MAOB: variants seen among roughly 807,000 people sequenced by gnomAD.
MAOB encodes the protein amine oxidase [flavin-containing] B.
MAOB carries 15 observed loss-of-function variants against 41.9 expected under a neutral mutation model. That is an observed-to-expected ratio of 0.36 (90% CI 0.24 to 0.55). The LOEUF (loss-of-function observed/expected upper bound fraction) is 0.55. Among genes scored for constraint, MAOB ranks in the 20% least tolerant of loss-of-function variants. The pLI is 0.86. For missense variants in MAOB, 345 were observed against 398.7 expected, an observed-to-expected ratio of 0.87 and a Z score of 1.15; for synonymous variants, 167 against 144.2, an observed-to-expected ratio of 1.16 and a Z score of -1.13.
At position 43,780,378 on chromosome X, in the gene MAOB, T is replaced by C. The variant is rs781240387; in HGVS notation, c.1043A>G (p.Lys348Arg). The C allele has an allele frequency of 8.3e-7, 1 of 1,201,852 alleles. No homozygotes were observed. Among genetic ancestry groups the C allele is most frequent in the Admixed American group, 2.2e-5 (1 of 45,895 alleles). ...GGTAAGACGTGCCAGTTTTCTGGCT[T>C]TGTGGGCCAGGATAAATCTAAAGAA... is the stretch of plus-strand genomic sequence containing the variant. ...AAIMGFILAHKARKLARLTKE... is the reference protein window; with the variant it reads ...AAIMGFILAHRARKLARLTKE... The change falls in exon 10 of 15, where the codon AAA (lysine) becomes AGA (arginine). Residue 348 changes from lysine (K) to arginine (R), a missense_variant. Physicochemically the swap from Lys to Arg is conservative, Grantham distance 26. Transcript: ENST00000378069.
At chrX:43,828,756 C>T (rs1168525386) in intron 3 of MAOB, among the ~76,000 whole-genome samples, 3 of 111,369 alleles carry the variant, frequency 2.7e-5, no homozygotes, top group Non-Finnish European at 3.8e-5. Flanking sequence ...GGGTTAAAGC[C>T]CCCACTCCAT....
rs768236735 is a variant in MAOB, at chrX:43,850,975, A to T, written c.47-7211T>A. On this transcript the variant is annotated intron_variant, in intron 1 of 14. Coordinates refer to ENST00000378069, the MANE Select transcript of MAOB (RefSeq NM_000898.5). The stretch of plus-strand genomic sequence containing the variant: ...TATGCAAATGATTGCATTTTCTAAA[A>T]TGTCAGCAATCATAATGAGTCTTGT... Among the ~76,000 whole-genome samples the T allele has an allele frequency of 4.5e-5, 5 of 112,351 alleles. No individual in the cohort carries two copies. The East Asian group carries it at 1.4e-3, about 32-fold the overall frequency.
chrX:43,827,242 T>G (rs1283295133), intron 3 of MAOB, among the ~76,000 whole-genome samples: 2 of 112,054 alleles, frequency 1.8e-5, no homozygotes, highest in African/African-American at 6.5e-5. Context: ...TTATTTTCTC[T>G]CACAGTTGTG....
intron 3 of MAOB, among the ~76,000 whole-genome samples, chrX:43,823,272 C>T: frequency 9.5e-6 from 1 of 104,713 alleles, no homozygotes; most frequent in South Asian, 4.6e-4. Context: ...TCCCGGGTTC[C>T]AGTGATTCTC....
chrX:43,774,072 A>C (rs914365673), intron 12 of MAOB, among the ~76,000 whole-genome samples: 1 of 112,096 alleles, frequency 8.9e-6, no homozygotes, highest in Admixed American at 9.5e-5. Context: ...TCTTCTGATA[A>C]GCAGGTTTTA....
intron 1 of MAOB, among the ~76,000 whole-genome samples, chrX:43,865,325 T>C (rs1457820162): frequency 8.9e-6 from 1 of 112,254 alleles, no homozygotes; most frequent in Non-Finnish European, 1.9e-5. Context: ...TTTGATTCTA[T>C]TTGTATAAAA....
At chrX:43,839,217 A>C (rs2035105096) in intron 2 of MAOB, among the ~76,000 whole-genome samples, 1 of 111,981 alleles carries the variant, frequency 8.9e-6, no homozygotes, top group Non-Finnish European at 1.9e-5. Flanking sequence ...TTGAACTCTG[A>C]ATAGGCAAGA....
intron 11 of MAOB, 88 bp downstream of exon 11, chrX:43,778,594 C>T (rs2034289460): frequency 2.7e-6 from 2 of 739,026 alleles, no homozygotes; most frequent in South Asian, 5.1e-5. Context: ...AACTTCAGGA[C>T]CCAACTTGCA....
intron 1 of MAOB, among the ~76,000 whole-genome samples, chrX:43,848,501 G>A (rs184919506): frequency 9.1e-6 from 1 of 109,514 alleles, no homozygotes; most frequent in African/African-American, 3.3e-5. Context: ...GCATTCCCTT[G>A]GGACTGTTTT....
intron 3 of MAOB, among the ~76,000 whole-genome samples, chrX:43,823,690 T>C (rs2034910811): frequency 1.8e-5 from 2 of 111,756 alleles, no homozygotes; most frequent in African/African-American, 6.5e-5. Flanking sequence ...TGGCTTCTGT[T>C]ACATTTATAA....
In MAOB at chrX:43,793,559, G is replaced by A; in HGVS notation, c.788C>T (p.Ala263Val). The A allele has an allele frequency of 8.3e-7, 1 of 1,199,534 alleles. No individual in the cohort carries two copies. The highest frequency in any genetic ancestry group is 1.1e-6 in the Non-Finnish European group (1 of 890,078). Residue 263 changes from alanine (A) to valine (V), a missense_variant, in exon 8 of 15, where the codon GCT (alanine) becomes GTT (valine). Coordinates refer to ENST00000378069, the MANE Select transcript of MAOB (RefSeq NM_000898.5). Reference protein sequence around the residue: ...EMYEAKYVISAIPPTLGMKIH... With the variant: ...EMYEAKYVISVIPPTLGMKIH... ...CTTCATGCCCAGAGTAGGAGGAATA[G>A]CACTAATCACATATTTAGCCTGAAA...
intron 1 of MAOB, among the ~76,000 whole-genome samples, chrX:43,863,344 A>T (rs2035345489): frequency 8.9e-6 from 1 of 111,939 alleles, no homozygotes; most frequent in Non-Finnish European, 1.9e-5. Flanking sequence ...ATGTTCATAA[A>T]GACTGTAATA....
intron 1 of MAOB, among the ~76,000 whole-genome samples, chrX:43,868,798 T>G (rs1048251812): frequency 5.4e-5 from 6 of 110,890 alleles, no homozygotes; most frequent in African/African-American, 1.6e-4. Flanking sequence ...AAAAAGTACA[T>G]TTTTGTGCAT....
chrX:43,799,913 A>G (rs1260594997), intron 5 of MAOB, among the ~76,000 whole-genome samples: 1 of 111,640 alleles, frequency 9.0e-6, no homozygotes, highest in Non-Finnish European at 1.9e-5. Flanking sequence ...AGCTGTGATC[A>G]CATTGAAAAT....
intron 12 of MAOB, among the ~76,000 whole-genome samples, chrX:43,773,566 C>T (rs2034213875): frequency 8.9e-6 from 1 of 112,488 alleles, no homozygotes; most frequent in South Asian, 3.7e-4. Context: ...CTCAGTGATA[C>T]GATTTGGCTC....
At chrX:43,771,699 A>G (rs747748873) in intron 12 of MAOB, among the ~76,000 whole-genome samples, 1 of 111,329 alleles carries the variant, frequency 9.0e-6, no homozygotes, top group Non-Finnish European at 1.9e-5. Flanking sequence ...AGACCCTAAG[A>G]ATGAAATATT....
chrX:43,817,769 C>T (rs900923022), intron 3 of MAOB, among the ~76,000 whole-genome samples: 3 of 112,231 alleles, frequency 2.7e-5, no homozygotes, highest in African/African-American at 9.7e-5. Flanking sequence ...CTCCCTCTTT[C>T]AACAATATTT....
chrX:43,830,676 G>A (rs983789504), intron 3 of MAOB, among the ~76,000 whole-genome samples: 1 of 111,651 alleles, frequency 9.0e-6, no homozygotes, highest in Non-Finnish European at 1.9e-5. Flanking sequence ...AAAAGAATTT[G>A]TAAAGCTTCA....
intron 7 of MAOB, among the ~76,000 whole-genome samples, chrX:43,794,227 C>T (rs2034499747): frequency 9.0e-6 from 1 of 111,495 alleles, no homozygotes; most frequent in East Asian, 2.9e-4. Context: ...TTGCTCCCAC[C>T]TCAGTGCCTT....
Sources: allele counts gnomAD v4.1 joint callset (sites outside exome capture counted in the v4.1 genomes callset), GRCh38; gene constraint gnomAD v4.1.1; transcripts MANE v1.5; gene names NCBI Gene and HGNC (gene_info 2026-07-23, HGNC 2026-07-21).